The following CCDC40 variants were observed in gnomAD, a reference collection of about 807,000 sequenced individuals.
CCDC40 encodes coiled-coil domain-containing protein 40.
A neutral mutation model predicts 124.5 loss-of-function variants in CCDC40; 104 were observed. That is an observed-to-expected ratio of 0.84 (90% confidence interval 0.71 to 0.98). The LOEUF (loss-of-function observed/expected upper bound fraction) is 0.98, where lower values mean the gene tolerates loss of function less well. CCDC40 is among the 50% of genes least tolerant of loss of function. The probability of loss-of-function intolerance (pLI) is 0.00; values close to 1 mark genes in which losing one functional copy is unlikely to be tolerated. For synonymous variants in CCDC40, 580 were observed against 602.9 expected (o/e 0.96, Z 0.56); for missense variants, 1,463 against 1,503.9 (o/e 0.97, Z 0.45).
chr17:80,075,620 G>A (rs991760160), intron 10 of CCDC40, among the ~76,000 whole-genome samples: 4 of 152,002 alleles, frequency 2.6e-5, no homozygotes, highest in Admixed American at 6.6e-5. Context: ...AGGGGTGGTC[G>A]CTGCTGAAGC....
chr17:80,057,186 G>A (rs576789857), intron 7 of CCDC40, among the ~76,000 whole-genome samples: 9 of 151,924 alleles, frequency 5.9e-5, no homozygotes, highest in Non-Finnish European at 1.0e-4. Context: ...GTAGTGCAGT[G>A]GCATGATCCT....
At chr17:80,071,738 T>C (rs538544812) in intron 10 of CCDC40, among the ~76,000 whole-genome samples, 2 of 151,938 alleles carry the variant, frequency 1.3e-5, no homozygotes, top group Admixed American at 1.3e-4. Context: ...ACCTGTAGGC[T>C]CATGGGAGTG....
intron 3 of CCDC40, among the ~76,000 whole-genome samples, chr17:80,042,875 T>C (rs377423525): frequency 7.1e-6 from 1 of 141,076 alleles, no homozygotes; most frequent in African/African-American, 2.6e-5. Flanking sequence ...TTTTTTTTTT[T>C]AATCATAAAA....
intron 17 of CCDC40, among the ~76,000 whole-genome samples, chr17:80,093,688 A>AT (rs111661090): frequency 6.7e-6 from 1 of 149,878 alleles, no homozygotes; most frequent in Non-Finnish European, 1.5e-5. Context: ...TAATTTTTGT[A>AT]TTTTTGGTAG....
At chr17:80,090,208 T>G (rs1567813129) in intron 17 of CCDC40, 16 of 750,600 alleles carry the variant, frequency 2.1e-5, no homozygotes, top group South Asian at 1.6e-4. Context: ...CGCAGGCACG[T>G]GCACGAAGAA....
intron 17 of CCDC40, chr17:80,090,791 A>C: frequency 7.9e-7 from 1 of 1,270,154 alleles, no homozygotes; most frequent in Non-Finnish European, 1.0e-6. Context: ...TCATAAAATA[A>C]ATGGGCCTCA....
At chr17:80,082,493 A>C (rs1283852794) in intron 12 of CCDC40, among the ~76,000 whole-genome samples, 1 of 151,940 alleles carries the variant, frequency 6.6e-6, no homozygotes, top group Non-Finnish European at 1.5e-5. Context: ...CGCCTCCCCA[A>C]CACCCCGCCT....
chr17:80,067,616 A>G (rs1248322911), intron 10 of CCDC40: 7 of 1,536,148 alleles, frequency 4.6e-6, no homozygotes, highest in Non-Finnish European at 5.2e-6. Flanking sequence ...TGCCCGGGGC[A>G]TCGAGGGCGT....
chr17:80,085,534 G>T (rs2038565304), intron 13 of CCDC40, among the ~76,000 whole-genome samples: 1 of 152,198 alleles, frequency 6.6e-6, no homozygotes, highest in South Asian at 2.1e-4. Flanking sequence ...TCCTCCAGCG[G>T]GGTCTGTGGC....
At chr17:80,037,641 T>A (rs1316582904) in intron 1 of CCDC40, among the ~76,000 whole-genome samples, 1 of 142,828 alleles carries the variant, frequency 7.0e-6, no homozygotes, top group South Asian at 2.2e-4. Context: ...AACATATCTA[T>A]ATTCCTTTGA....
chr17:80,086,136 A>G lies in CCDC40; in HGVS notation c.2369A>G (p.Glu790Gly). Reference protein sequence around the residue: ...LQQEMVKVTQEQEEQLASLDA... With the variant: ...LQQEMVKVTQGQEEQLASLDA... Reference sequence around the variant, plus strand: ...CAGGAGATGGTCAAGGTGACACAGGAGCAGGAGGAGCAGCTGGCCTCCCTG... The same window carrying G: ...CAGGAGATGGTCAAGGTGACACAGGGGCAGGAGGAGCAGCTGGCCTCCCTG... Residue 790 changes from glutamate to glycine, a missense_variant, in exon 14 of 20, where the codon GAG (glutamate) becomes GGG (glycine). Transcript: ENST00000397545. The surrounding 1 kb of genome is among the most constrained non-coding windows in gnomAD (Gnocchi z 5.5). 1 of 1,614,106 alleles carries G rather than the reference A, an allele frequency of 6.2e-7. No individual in the cohort carries two copies. Among genetic ancestry groups the G allele is most frequent in the South Asian group, 1.1e-5 (1 of 91,080 alleles).
intron 1 of CCDC40, among the ~76,000 whole-genome samples, chr17:80,037,719 A>ATT (rs2037155467): frequency 7.0e-6 from 1 of 143,142 alleles, no homozygotes; most frequent in Non-Finnish European, 1.5e-5. Flanking sequence ...ATATATATAT[A>ATT]TTCCTGTGCT....
intron 7 of CCDC40, among the ~76,000 whole-genome samples, chr17:80,053,644 G>C (rs150789764): frequency 6.6e-6 from 1 of 152,164 alleles, no homozygotes; most frequent in African/African-American, 2.4e-5. Flanking sequence ...CCAGGCTGGA[G>C]TGCAGTGGCG....
At position 80,087,508 on chromosome 17, in the gene CCDC40, G is replaced by A; in HGVS notation, c.2450-99G>A. ...GGGAGGGGATGAAGGGAGCTACAGGGAGAGACAAAACCTGGCTCACCTCTC... is the reference window on the plus strand; with the variant it reads ...GGGAGGGGATGAAGGGAGCTACAGGAAGAGACAAAACCTGGCTCACCTCTC... On this transcript the variant is annotated intron_variant, in intron 14 of 19. Transcript: ENST00000397545. This position sits in a 1 kb window ranked among gnomAD's most constrained non-coding sequence, Gnocchi z 4.5. The A allele has an allele frequency of 9.0e-6, 8 of 887,570 alleles. No homozygotes were observed. Among genetic ancestry groups the A allele is most frequent in the Non-Finnish European group, 1.5e-5 (8 of 537,906 alleles). The allele number at this position is 887,570 out of a possible 1,614,324, so 55.0% of individuals were successfully genotyped here.
At chr17:80,068,076 C>T in intron 10 of CCDC40, 1 of 775,238 alleles carries the variant, frequency 1.3e-6, no homozygotes, top group Non-Finnish European at 1.6e-6. Context: ...CTCTGTCCCC[C>T]AGGCTGGAGT....
chr17:80,099,894 C>G lies in CCDC40; in HGVS notation c.*119C>G, dbSNP rs556535355. 1 of 1,140,486 alleles carries G rather than the reference C, an allele frequency of 8.8e-7. No homozygotes were observed. The highest frequency in any genetic ancestry group is 1.3e-6 in the Non-Finnish European group (1 of 796,020). The allele number at this position is 1,140,486 out of a possible 1,614,324, so 70.6% of individuals were successfully genotyped here. A position where few individuals can be genotyped will look rare whatever the true frequency, so the allele number is the denominator to read the frequency against. ...ACCACATGTACCCTCAGAAGGGCAT[C>G]GTTTAAGAGAAATAAGCCAGCCCCA... On this transcript the variant is annotated 3_prime_UTR_variant, in exon 20 of 20. Transcript: ENST00000397545.
At position 80,081,201 on chromosome 17, in the gene CCDC40, G is replaced by A. The variant is rs552951474; in HGVS notation, c.1563-345G>A. 8.5e-5 allele frequency among the ~76,000 whole-genome samples: 13 copies of A among 152,086 alleles called. No individual in the cohort carries two copies. In the East Asian group the frequency reaches 1.4e-3, roughly 16 times the overall value. ...AGTTGGAGACCAGCCTGGGCAACACGGTGAAACCCCATCTCTACAAATAGA... is the reference window on the plus strand; with the variant it reads ...AGTTGGAGACCAGCCTGGGCAACACAGTGAAACCCCATCTCTACAAATAGA... On this transcript the variant is annotated intron_variant, in intron 10 of 19. Transcript: ENST00000397545.
At position 80,086,855 on chromosome 17, in the gene CCDC40, C is replaced by G. The variant is rs1241241080; in HGVS notation, c.2449+639C>G. ...GTGCCCTTCTCGGAGGTCCTGCTGC[C>G]TCTCGCCCTGCCCTTCTTGGGTTGC... On this transcript the variant is annotated intron_variant, in intron 14 of 19. Transcript: ENST00000397545. The surrounding 1 kb of genome is among the most constrained non-coding windows in gnomAD (Gnocchi z 5.5). 6.3e-6 allele frequency: 1 copy of G among 159,118 alleles called. No individual in the cohort carries two copies. The highest frequency in any genetic ancestry group is 2.4e-5 in the African/African-American group (1 of 41,476). The allele number at this position is 159,118 out of a possible 1,614,324, so 9.9% of individuals were successfully genotyped here.
chr17:80,084,175 C>T (rs1234552011), intron 12 of CCDC40, among the ~76,000 whole-genome samples: 3 of 151,074 alleles, frequency 2.0e-5, no homozygotes, highest in Non-Finnish European at 4.4e-5. Context: ...TAGGAAATAC[C>T]TAAGACTGGA....
Sources: gnomAD v4.1 joint callset for allele counts (sites outside exome capture counted in the v4.1 genomes callset) on GRCh38, gnomAD v4.1.1 for gene constraint, Gnocchi (gnomAD v3.1) non-coding constraint, MANE v1.5 for transcripts, NCBI Gene and HGNC (gene_info 2026-07-23, HGNC 2026-07-21) for gene names.